Variants in MMP26 observed in about 807,000 individuals in gnomAD.
The protein encoded by MMP26 is matrix metalloproteinase-26.
In MMP26, 33 loss-of-function variants were observed where a neutral mutation model predicts 31.0. The ratio of observed to expected loss-of-function variants is 1.06; its 90% CI spans 0.81 to 1.42. The LOEUF (loss-of-function observed/expected upper bound fraction) is 1.42. Ranked by LOEUF, MMP26 falls within the 40% of genes most tolerant of loss-of-function variation. The pLI is 0.00. For missense variants in MMP26, 347 were observed against 316.1 expected, an observed-to-expected ratio of 1.10 and a Z score of -0.74; for synonymous variants, 122 against 114.9, an observed-to-expected ratio of 1.06 and a Z score of -0.40.
At chr11:4,746,352 T>G (rs983148336) in intron 1 of MMP26, among the ~76,000 whole-genome samples, 1 of 152,226 alleles carries the variant, frequency 6.6e-6, no homozygotes, top group East Asian at 1.9e-4. Flanking sequence ...TTTATTGAGA[T>G]TTCTTGAAAG....
At chr11:4,970,313 C>A (rs1234130622) in intron 2 of MMP26, among the ~76,000 whole-genome samples, 4 of 152,104 alleles carry the variant, frequency 2.6e-5, no homozygotes, top group Non-Finnish European at 4.4e-5. Flanking sequence ...TTCTTTTGTT[C>A]TGATATATAA....
At chr11:4,869,930 G>T (rs982431625) in intron 2 of MMP26, among the ~76,000 whole-genome samples, 5 of 152,182 alleles carry the variant, frequency 3.3e-5, no homozygotes, top group Non-Finnish European at 7.3e-5. Flanking sequence ...TAGTGACATG[G>T]TTGAAGCTGG....
intron 2 of MMP26, among the ~76,000 whole-genome samples, chr11:4,767,716 A>G (rs75127621): frequency 0.027 from 4,187 of 152,300 alleles, 212 homozygotes; most frequent in African/African-American, 0.096. Flanking sequence ...ATATGCAAAA[A>G]TAGGCTCTTG....
intron 2 of MMP26, among the ~76,000 whole-genome samples, chr11:4,979,155 G>A (rs147234613): frequency 5.5e-4 from 84 of 152,158 alleles, no homozygotes; most frequent in African/African-American, 1.9e-3. Flanking sequence ...AAAATAATGG[G>A]CAGCAACAAC....
chr11:4,758,500 A>G (rs926833351), intron 1 of MMP26, among the ~76,000 whole-genome samples: 1 of 151,286 alleles, frequency 6.6e-6, no homozygotes, highest in South Asian at 2.1e-4. Context: ...AAAATAAAGC[A>G]TAGCACCGCA....
At chr11:4,764,609 G>A (rs988130689) in intron 1 of MMP26, among the ~76,000 whole-genome samples, 1 of 152,196 alleles carries the variant, frequency 6.6e-6, no homozygotes, top group Non-Finnish European at 1.5e-5. Flanking sequence ...AGTGGTTCAC[G>A]CCTGTAATCC....
At chr11:4,722,694 A>G (rs1191496814) in intron 1 of MMP26, 3 of 736,756 alleles carry the variant, frequency 4.1e-6, no homozygotes, top group Non-Finnish European at 7.2e-6. Flanking sequence ...GCTTTCCCGC[A>G]GCCGCAGGAG....
chr11:4,885,825 T>C (rs1465273300), intron 2 of MMP26, among the ~76,000 whole-genome samples: 1 of 152,148 alleles, frequency 6.6e-6, no homozygotes, highest in African/African-American at 2.4e-5. Context: ...TAGGTTTTAC[T>C]TCTAGGAAGC....
chr11:4,766,981 C>T (rs138966829), intron 1 of MMP26, among the ~76,000 whole-genome samples: 2,694 of 152,208 alleles, frequency 0.018, 38 homozygotes, highest in Non-Finnish European at 0.028. Flanking sequence ...AAGAAAAAGA[C>T]TCTCACATAT....
chr11:4,774,760 G>A (rs1392350562), intron 2 of MMP26, among the ~76,000 whole-genome samples: 3 of 152,124 alleles, frequency 2.0e-5, no homozygotes, highest in East Asian at 3.9e-4. Context: ...TATAGTTTTG[G>A]GTTTTACATT....
chr11:4,936,265 G>A (rs1004784202), intron 2 of MMP26, among the ~76,000 whole-genome samples: 5 of 150,494 alleles, frequency 3.3e-5, no homozygotes, highest in African/African-American at 1.2e-4. Flanking sequence ...TCCTGTTATT[G>A]ATCTATTCAG....
At chr11:4,713,348 T>C (rs11033491) in intron 1 of MMP26, among the ~76,000 whole-genome samples, 19,161 of 152,144 alleles carry the variant, frequency 0.13, 1,628 homozygotes, top group Middle Eastern at 0.21. Context: ...TAGCTTCATC[T>C]CTCCCCCACA....
At chr11:4,905,141 A>G (rs895304363) in intron 2 of MMP26, among the ~76,000 whole-genome samples, 1 of 152,110 alleles carries the variant, frequency 6.6e-6, no homozygotes, top group African/African-American at 2.4e-5. Flanking sequence ...CTGACATGGG[A>G]TCAGAATTGA....
intron 2 of MMP26, among the ~76,000 whole-genome samples, chr11:4,920,984 T>C (rs1275667365): frequency 1.3e-5 from 2 of 152,210 alleles, no homozygotes; most frequent in Non-Finnish European, 2.9e-5. Context: ...GAATATTTAT[T>C]GAATTCTGTG....
rs754630263 is a variant in MMP26 at position 4,848,365 on chromosome 11, G to A, written c.-145+81024G>A. The stretch of plus-strand genomic sequence containing the variant: ...AGAAGGAAATGGACATAGGATAGAA[G>A]AGTATGGGTATGCTGAGTGATTGGC... On this transcript the variant is annotated intron_variant, in intron 2 of 7. Coordinates refer to ENST00000380390, the MANE Select transcript of MMP26 (RefSeq NM_021801.5). 31 of 1,614,000 alleles carry A rather than the reference G, an allele frequency of 1.9e-5. No individual in the cohort carries two copies. In the South Asian group the frequency reaches 3.1e-4, roughly 16 times the overall value.
intron 1 of MMP26, among the ~76,000 whole-genome samples, chr11:4,706,488 G>A (rs1233846400): frequency 6.7e-6 from 1 of 149,906 alleles, no homozygotes; most frequent in African/African-American, 2.4e-5. Context: ...TGAGGCAGGA[G>A]GATCACTGGA....
chr11:4,817,072 T>C lies in MMP26; in HGVS notation c.-145+49731T>C, dbSNP rs957336725. Among the ~76,000 whole-genome samples, 11 of 151,624 alleles carry C rather than the reference T, an allele frequency of 7.3e-5. 1 individual carries two copies. Among genetic ancestry groups the C allele is most frequent in the Admixed American group, 7.2e-4 (11 of 15,216 alleles). ...ATATTCTGTATCCCGTGTTGAATAA[T>C]TATTTAATTATATTTTAATAATTTT... On this transcript the variant is annotated intron_variant, in intron 2 of 7. Transcript: ENST00000380390.
At chr11:4,797,518 G>A (rs1000484776) in intron 2 of MMP26, among the ~76,000 whole-genome samples, 3 of 152,128 alleles carry the variant, frequency 2.0e-5, no homozygotes, top group African/African-American at 7.2e-5. Context: ...GAGAACTCCT[G>A]CTGCAAATCT....
chr11:4,980,949 GGGCTTTC>G (rs1846804682), intron 2 of MMP26, among the ~76,000 whole-genome samples: 1 of 151,842 alleles, frequency 6.6e-6, no homozygotes, highest in Non-Finnish European at 1.5e-5. Context: ...AGGACTTAAG[GGGCTTTC>G]AGTTAAGGTG....
Sources: allele counts gnomAD v4.1 joint callset (sites outside exome capture counted in the v4.1 genomes callset), GRCh38; gene constraint gnomAD v4.1.1; transcripts MANE v1.5; gene names NCBI Gene and HGNC (gene_info 2026-07-23, HGNC 2026-07-21).